Variants in ZBTB8B observed in about 807,000 individuals in gnomAD.
ZBTB8B encodes zinc finger and BTB domain-containing protein 8B.
ZBTB8B carries 17 observed loss-of-function variants against 30.3 expected under a neutral mutation model. That is an observed-to-expected ratio of 0.56 (90% CI 0.38 to 0.84). The LOEUF is 0.84. ZBTB8B is among the 40% of genes least tolerant of loss of function. The probability of loss-of-function intolerance (pLI) is 0.00; values close to 1 mark genes in which losing one functional copy is unlikely to be tolerated. For synonymous variants in ZBTB8B, 248 were observed against 255.6 expected (o/e 0.97, Z 0.28); for missense variants, 515 against 644.9 (o/e 0.80, Z 2.18).
At position 32,495,607 on chromosome 1, in the gene ZBTB8B, C is replaced by T. The variant is rs528524804; in HGVS notation, c.*10189C>T. The T allele has an allele frequency of 6.6e-6, 1 of 152,246 alleles. No homozygotes were observed. The highest frequency in any genetic ancestry group is 1.9e-4 in the East Asian group (1 of 5,188). The allele number at this position is 152,246 out of a possible 1,614,324, so 9.4% of individuals were successfully genotyped here. ...GTTCCTCTGTTGCTCATTTTGTCCT[C>T]GGAAACAAATACAATTTAACTATTT... On this transcript the variant is annotated 3_prime_UTR_variant, in exon 4 of 4. Coordinates refer to ENST00000609129, the MANE Select transcript of ZBTB8B (RefSeq NM_001145720.2).
At chr1:32,477,610 G>A (rs914844725) in intron 2 of ZBTB8B, among the ~76,000 whole-genome samples, 13 of 152,128 alleles carry the variant, frequency 8.5e-5, no homozygotes, top group South Asian at 2.1e-4. Flanking sequence ...GAAACAGGTC[G>A]TCATTCCTGG....
Position 32,471,064 on chromosome 1 carries a change from CGG to C in ZBTB8B, c.441_442del (p.Ala148GlyfsTer9). ...GCGGCGGCAGCGGCGGCGGCTGCAG[CGG>C]CGGCAGCAGCGGCGGCTCATCAGGT... On this transcript the variant is annotated frameshift_variant, in exon 2 of 4. Transcript: ENST00000609129. LOFTEE classifies it high-confidence loss of function. 1.9e-6 allele frequency: 3 copies of C among 1,544,716 alleles called. No individual in the cohort carries two copies. The highest frequency in any genetic ancestry group is 2.6e-6 in the Non-Finnish European group (3 of 1,145,590).
chr1:32,492,995 A>G lies in ZBTB8B; in HGVS notation c.*7577A>G, dbSNP rs1377789841. The G allele has an allele frequency of 1.3e-5, 2 of 152,216 alleles. No homozygotes were observed. The highest frequency in any genetic ancestry group is 1.3e-4 in the Admixed American group (2 of 15,288). 9.4% of individuals were successfully genotyped at this position (152,216 alleles called of 1,614,324 possible). A position where few individuals can be genotyped will look rare whatever the true frequency, so the allele number is the denominator to read the frequency against. On this transcript the variant is annotated 3_prime_UTR_variant, in exon 4 of 4. Transcript: ENST00000609129. ...GCATACTATATTTATAAGCAGTTTA[A>G]ACAGTTGCTGAAATTTATTGCCTTT...
rs1643749289 is a variant in ZBTB8B, at chr1:32,486,780, T to C, written c.*1362T>C. 1 of 152,176 alleles carries C rather than the reference T, an allele frequency of 6.6e-6. No homozygotes were observed. Among genetic ancestry groups the C allele is most frequent in the Non-Finnish European group, 1.5e-5 (1 of 68,032 alleles). The allele number at this position is 152,176 out of a possible 1,614,324, so 9.4% of individuals were successfully genotyped here. A position where few individuals can be genotyped will look rare whatever the true frequency, so the allele number is the denominator to read the frequency against. ...TTGGAGTTGAGTCCTGCCTTCTACCTCCTTGCCTAGAACTTTAATTGGAGG... is the reference window on the plus strand; with the variant it reads ...TTGGAGTTGAGTCCTGCCTTCTACCCCCTTGCCTAGAACTTTAATTGGAGG... On this transcript the variant is annotated 3_prime_UTR_variant, in exon 4 of 4. Coordinates refer to ENST00000609129, the MANE Select transcript of ZBTB8B (RefSeq NM_001145720.2).
intron 2 of ZBTB8B, among the ~76,000 whole-genome samples, chr1:32,472,772 A>G (rs2148181793): frequency 6.6e-6 from 1 of 152,250 alleles, no homozygotes; most frequent in South Asian, 2.1e-4. Flanking sequence ...GCATACCGCC[A>G]CGCCCAGCTA....
At chr1:32,474,607 C>T (rs1465845758) in intron 2 of ZBTB8B, among the ~76,000 whole-genome samples, 5 of 152,016 alleles carry the variant, frequency 3.3e-5, no homozygotes, top group African/African-American at 1.2e-4. Context: ...CTGGCTTCAC[C>T]AGCATTGGGA....
Position 32,487,230 on chromosome 1 carries a change from T to C in ZBTB8B, c.*1812T>C, listed in dbSNP as rs898484537. On this transcript the variant is annotated 3_prime_UTR_variant, in exon 4 of 4. Transcript: ENST00000609129. ...TAGACAGGTGTTTAAGTCGTACTTC[T>C]CAATAGTAGTTAAAACTGGAACAGT... 1 of 152,244 alleles carries C rather than the reference T, an allele frequency of 6.6e-6. No individual in the cohort carries two copies. The highest frequency in any genetic ancestry group is 1.5e-5 in the Non-Finnish European group (1 of 68,042). The allele number at this position is 152,244 out of a possible 1,614,324, so 9.4% of individuals were successfully genotyped here.
chr1:32,470,684 G>A lies in ZBTB8B; in HGVS notation c.60G>A (p.Arg20=). Reference sequence around the variant, plus strand: ...GGGAGCTGAATGAACAGAGAAAGAGGGACTTTTTCTGTGACTGCAGCATCA... The same window carrying A: ...GGGAGCTGAATGAACAGAGAAAGAGAGACTTTTTCTGTGACTGCAGCATCA... The part of the protein sequence containing the change: ...LLGELNEQRK[R]DFFCDCSIIV... The change falls in exon 2 of 4, where the codon AGG becomes AGA. Residue 20 remains arginine, a synonymous_variant. Coordinates refer to ENST00000609129, the MANE Select transcript of ZBTB8B (RefSeq NM_001145720.2). The A allele has an allele frequency of 6.4e-7, 1 of 1,551,632 alleles. No individual in the cohort carries two copies. Among genetic ancestry groups the A allele is most frequent in the Non-Finnish European group, 8.7e-7 (1 of 1,146,992 alleles).
At position 32,484,517 on chromosome 1, in the gene ZBTB8B, TA is replaced by T. The variant is rs1367714964; in HGVS notation, c.1171-583del. Among the ~76,000 whole-genome samples, 38 of 151,944 alleles carry T rather than the reference TA, an allele frequency of 2.5e-4. No individual in the cohort carries two copies. Among genetic ancestry groups the T allele is most frequent in the Admixed American group, 1.2e-3 (18 of 15,242 alleles). The stretch of plus-strand genomic sequence containing the variant: ...CCACATGTGTCCGGTGGCTCCGGGG[TA>T]GAAAGAACCTTGGTAAGATGAAGAC... On this transcript the variant is annotated intron_variant, in intron 3 of 3. Transcript: ENST00000609129. This position sits in a 1 kb window ranked among gnomAD's most constrained non-coding sequence, Gnocchi z 4.5.
chr1:32,471,721 T>C (rs979247278), intron 2 of ZBTB8B, 106 bp downstream of exon 2: 4 of 1,264,386 alleles, frequency 3.2e-6, no homozygotes, highest in African/African-American at 3.0e-5. Context: ...TCATTGTCAC[T>C]ACCAACATTA....
rs1463210301 is a variant in ZBTB8B at position 32,485,190 on chromosome 1, G to C, written c.1260G>C (p.Leu420=). The change falls in exon 4 of 4, where the codon CTG becomes CTC. Residue 420 remains leucine, a synonymous_variant. Coordinates refer to ENST00000609129, the MANE Select transcript of ZBTB8B (RefSeq NM_001145720.2). Reference sequence around the variant, plus strand: ...CCCAGGGGCTGCGGCGCTTCGGGCTGTGTGACAGCTGCACCTGCGTTACAG... The same window carrying C: ...CCCAGGGGCTGCGGCGCTTCGGGCTCTGTGACAGCTGCACCTGCGTTACAG... ...HLSQGLRRFG[L]CDSCTCVTDT... is the part of the protein sequence containing the mutation. 1 of 1,551,990 alleles carries C rather than the reference G, an allele frequency of 6.4e-7. No individual in the cohort carries two copies.
At chr1:32,480,771 G>T in intron 2 of ZBTB8B, 120 bp from the exon 3 acceptor site, 1 of 904,042 alleles carries the variant, frequency 1.1e-6, no homozygotes, top group Non-Finnish European at 1.6e-6. Context: ...GGCGGAGTTG[G>T]TGTCCTCCTC....
At chr1:32,481,765 C>T (rs894062892) in intron 3 of ZBTB8B, among the ~76,000 whole-genome samples, 1 of 152,162 alleles carries the variant, frequency 6.6e-6, no homozygotes, top group Non-Finnish European at 1.5e-5. Flanking sequence ...TCCCACCTCC[C>T]ACCCTCCGGT....
At chr1:32,481,224 T>C (rs1449579533) in intron 3 of ZBTB8B, among the ~76,000 whole-genome samples, 155 bp downstream of exon 3, 1 of 152,182 alleles carries the variant, frequency 6.6e-6, no homozygotes, top group African/African-American at 2.4e-5. Flanking sequence ...AAAGCTCAGG[T>C]GGTGGCACTT....
At chr1:32,474,343 CAAAAAAAAAAAAAAAAAAAAAAAAAA>C (rs57001984) in intron 2 of ZBTB8B, among the ~76,000 whole-genome samples, 3 of 39,142 alleles carry the variant, frequency 7.7e-5, no homozygotes, top group East Asian at 1.0e-3. Context: ...CCCATCTCTA[CAAAAAAAAAAAAAAAAAAAAAAAAAA>C]AAAAAAAAAA....
At position 32,465,135 on chromosome 1, in the gene ZBTB8B, C is replaced by G. The variant is rs1643561689; in HGVS notation, c.-42+30C>G. On this transcript the variant is annotated intron_variant, in intron 1 of 3. Transcript: ENST00000609129. This position sits in a 1 kb window ranked among gnomAD's most constrained non-coding sequence, Gnocchi z 4.1. ...GCGCGAAGAAGCGGGTTGGCGCTGCCGCTTTCGTTGGTTTGGGGAGGATTC... is the reference window on the plus strand; with the variant it reads ...GCGCGAAGAAGCGGGTTGGCGCTGCGGCTTTCGTTGGTTTGGGGAGGATTC... 6.6e-6 allele frequency: 1 copy of G among 152,388 alleles called. No individual in the cohort carries two copies. Among genetic ancestry groups the G allele is most frequent in the Non-Finnish European group, 1.5e-5 (1 of 68,166 alleles). The allele number at this position is 152,388 out of a possible 1,614,324, so 9.4% of individuals were successfully genotyped here.
At position 32,488,954 on chromosome 1, in the gene ZBTB8B, GC is replaced by G. The variant is rs1221849233; in HGVS notation, c.*3538del. Reference sequence around the variant, plus strand: ...TGGGATTATAGGCACGCGCCACCACGCCTGGCCAATTTTTGTATTTTTAGTA... The same window carrying G: ...TGGGATTATAGGCACGCGCCACCACGCTGGCCAATTTTTGTATTTTTAGTA... On this transcript the variant is annotated 3_prime_UTR_variant, in exon 4 of 4. Coordinates refer to ENST00000609129, the MANE Select transcript of ZBTB8B (RefSeq NM_001145720.2). The G allele has an allele frequency of 6.6e-6, 1 of 152,008 alleles. No homozygotes were observed. The highest frequency in any genetic ancestry group is 1.5e-5 in the Non-Finnish European group (1 of 68,030). 9.4% of individuals were successfully genotyped at this position (152,008 alleles called of 1,614,324 possible). A position where few individuals can be genotyped will look rare whatever the true frequency, so the allele number is the denominator to read the frequency against.
intron 2 of ZBTB8B, among the ~76,000 whole-genome samples, chr1:32,479,613 C>T (rs188846398): frequency 7.2e-5 from 11 of 152,290 alleles, no homozygotes; most frequent in Admixed American, 3.3e-4. Context: ...TCCGTGGTTC[C>T]GTGGATTCAA....
At position 32,470,657 on chromosome 1, in the gene ZBTB8B, G is replaced by T. The variant is rs1307790303; in HGVS notation, c.33G>T (p.Leu11Phe). The T allele has an allele frequency of 1.3e-6, 2 of 1,551,520 alleles. No individual in the cohort carries two copies. The highest frequency in any genetic ancestry group is 1.7e-6 in the Non-Finnish European group (2 of 1,146,948). MEMQSYYAKL[L>F]GELNEQRKRD... ...TGCAATCCTATTATGCCAAGCTTTT[G>T]GGGGAGCTGAATGAACAGAGAAAGA... Residue 11 changes from leucine (L) to phenylalanine (F), a missense_variant, in exon 2 of 4, where the codon TTG (leucine) becomes TTT (phenylalanine). Leu to Phe is a conservative substitution (Grantham distance 22). Coordinates refer to ENST00000609129, the MANE Select transcript of ZBTB8B (RefSeq NM_001145720.2).
Sources: allele counts gnomAD v4.1 joint callset (sites outside exome capture counted in the v4.1 genomes callset), GRCh38; gene constraint gnomAD v4.1.1; non-coding constraint Gnocchi (gnomAD v3.1); transcripts MANE v1.5; gene names NCBI Gene and HGNC (gene_info 2026-07-23, HGNC 2026-07-21).